SLC66A2: variants seen among roughly 807,000 people sequenced by gnomAD.
SLC66A2 encodes the protein solute carrier family 66 member 2, also known as PQ loop repeat containing 1.
In SLC66A2, 23 loss-of-function variants were observed where a neutral mutation model predicts 25.5. The ratio of observed to expected loss-of-function variants is 0.90; its 90% CI spans 0.65 to 1.28. The LOEUF (loss-of-function observed/expected upper bound fraction) is 1.28. Among genes scored for constraint, SLC66A2 ranks in the 50% most tolerant of loss-of-function variants. The pLI, the probability that SLC66A2 is intolerant of heterozygous loss-of-function variation, is 0.00. For synonymous variants in SLC66A2, 193 were observed against 166.5 expected (o/e 1.16, Z -1.23); for missense variants, 396 against 373.1 (o/e 1.06, Z -0.51).
chr18:79,908,879 G>A (rs567679879), intron 5 of SLC66A2, among the ~76,000 whole-genome samples: 4 of 152,152 alleles, frequency 2.6e-5, no homozygotes, highest in Admixed American at 6.5e-5. Context: ...GGAGATGTTC[G>A]GTCTTCCCGT....
intron 5 of SLC66A2, among the ~76,000 whole-genome samples, chr18:79,908,951 T>C (rs183248067): frequency 1.2e-3 from 182 of 152,390 alleles, no homozygotes; most frequent in African/African-American, 4.3e-3. Flanking sequence ...CTTCAAAATC[T>C]TGGATAAGTC....
chr18:79,934,882 A>ACCTCTGC (rs1432209851), intron 3 of SLC66A2, among the ~76,000 whole-genome samples: 4 of 152,138 alleles, frequency 2.6e-5, no homozygotes, highest in African/African-American at 9.7e-5. Context: ...GTGACCTCTG[A>ACCTCTGC]CCTCTGCCCT....
In SLC66A2 at chr18:79,904,216, G is replaced by T; in HGVS notation, c.609-33C>A. The T allele has an allele frequency of 1.3e-6, 2 of 1,596,202 alleles. No homozygotes were observed. Among genetic ancestry groups the T allele is most frequent in the Non-Finnish European group, 1.7e-6 (2 of 1,165,632 alleles). On this transcript the variant is annotated intron_variant, in intron 5 of 5. Coordinates refer to ENST00000397778, the MANE Select transcript of SLC66A2 (RefSeq NM_025078.5). This position sits in a 1 kb window ranked among gnomAD's most constrained non-coding sequence, Gnocchi z 6.3. ...GACACAAGCAGGCGGTCAGCGGTGGGGAGGGCGGCGACCTGGGCTCAGTCA... is the reference window on the plus strand; with the variant it reads ...GACACAAGCAGGCGGTCAGCGGTGGTGAGGGCGGCGACCTGGGCTCAGTCA...
chr18:79,907,631 G>C (rs1421366386), intron 5 of SLC66A2, among the ~76,000 whole-genome samples: 1 of 152,088 alleles, frequency 6.6e-6, no homozygotes, highest in South Asian at 2.1e-4. Flanking sequence ...GATTACAGGC[G>C]TGAGCCACCG....
intron 5 of SLC66A2, 36 bp downstream of exon 5, chr18:79,919,148 A>T: frequency 6.4e-7 from 1 of 1,571,578 alleles, no homozygotes; most frequent in Non-Finnish European, 8.7e-7. Context: ...GTGCCTCTGG[A>T]GCAGTGGTGC....
At chr18:79,908,358 GTTCTT>G (rs1214006865) in intron 5 of SLC66A2, among the ~76,000 whole-genome samples, 1 of 151,216 alleles carries the variant, frequency 6.6e-6, no homozygotes, top group Non-Finnish European at 1.5e-5. Context: ...TGGGTCAAAC[GTTCTT>G]TTCTTGCAGC....
chr18:79,916,188 A>C (rs1984084837), intron 5 of SLC66A2, among the ~76,000 whole-genome samples: 4 of 48,372 alleles, frequency 8.3e-5, no homozygotes, highest in Non-Finnish European at 1.4e-4. Flanking sequence ...ACCCTCCCAT[A>C]CCCACGGTGC....
chr18:79,907,383 GCT>G (rs1382378759), intron 5 of SLC66A2, among the ~76,000 whole-genome samples: 18 of 112,494 alleles, frequency 1.6e-4, no homozygotes, highest in Middle Eastern at 7.8e-3. Flanking sequence ...AAGGAGTCTC[GCT>G]CTGTCACCCA....
At chr18:79,945,904 G>A (rs908718929) in intron 2 of SLC66A2, among the ~76,000 whole-genome samples, 4 of 152,244 alleles carry the variant, frequency 2.6e-5, no homozygotes, top group Non-Finnish European at 5.9e-5. Flanking sequence ...ACCTGAGGCT[G>A]AGGAGGTGAC....
chr18:79,943,479 G>GT lies in SLC66A2; in HGVS notation c.204-18dup, dbSNP rs761088339. Reference sequence around the variant, plus strand: ...CTTCCAAACCTGCGGGAGAGACACTGTGTCAGGAGGGAGGTCCACCCATGC... The same window carrying GT: ...CTTCCAAACCTGCGGGAGAGACACTGTTGTCAGGAGGGAGGTCCACCCATGC... On this transcript the variant is annotated splice_polypyrimidine_tract_variant and intron_variant, in intron 2 of 5. Transcript: ENST00000397778. 26 of 1,610,498 alleles carry GT rather than the reference G, an allele frequency of 1.6e-5. No homozygotes were observed. The highest frequency in any genetic ancestry group is 2.1e-5 in the Non-Finnish European group (25 of 1,177,658).
chr18:79,923,887 A>T (rs1985593554), intron 4 of SLC66A2, among the ~76,000 whole-genome samples: 4 of 151,948 alleles, frequency 2.6e-5, no homozygotes, highest in Admixed American at 2.6e-4. Flanking sequence ...AAAATAAAAA[A>T]TTAGCAGGGT....
chr18:79,930,665 G>C (rs1986480353), intron 4 of SLC66A2, among the ~76,000 whole-genome samples: 1 of 152,064 alleles, frequency 6.6e-6, no homozygotes. Context: ...TAATATATTT[G>C]ACAATAATAT....
chr18:79,923,024 C>G (rs1001123065), intron 4 of SLC66A2, among the ~76,000 whole-genome samples: 2 of 151,552 alleles, frequency 1.3e-5, no homozygotes, highest in African/African-American at 4.9e-5. Context: ...CTCTCTCACT[C>G]TGAGTGAGAC....
At chr18:79,925,352 G>A (rs553918299) in intron 4 of SLC66A2, among the ~76,000 whole-genome samples, 3 of 152,230 alleles carry the variant, frequency 2.0e-5, no homozygotes, top group Non-Finnish European at 4.4e-5. Context: ...CCGTGGTCAC[G>A]CAAGGTGCCA....
intron 2 of SLC66A2, among the ~76,000 whole-genome samples, chr18:79,947,729 C>T (rs1163765449): frequency 2.0e-5 from 3 of 151,178 alleles, no homozygotes; most frequent in Non-Finnish European, 4.4e-5. Context: ...TGATGCATCC[C>T]GCGTGTCACT....
intron 5 of SLC66A2, among the ~76,000 whole-genome samples, chr18:79,907,640 C>T (rs575958131): frequency 3.3e-5 from 5 of 152,176 alleles, no homozygotes; most frequent in African/African-American, 1.2e-4. Context: ...CGTGAGCCAC[C>T]GTGTCAGGCC....
rs551151313 is a variant in SLC66A2 at position 79,937,341 on chromosome 18, C to T, written c.338-3319G>A. ...GTCGAAAGGGCCCAGCAGCATCTGACGCGGCTCCCCGGCCAGAGGGAAGAA... is the reference window on the plus strand; with the variant it reads ...GTCGAAAGGGCCCAGCAGCATCTGATGCGGCTCCCCGGCCAGAGGGAAGAA... On this transcript the variant is annotated intron_variant, in intron 3 of 5. Coordinates refer to ENST00000397778, the MANE Select transcript of SLC66A2 (RefSeq NM_025078.5). This position sits in a 1 kb window ranked among gnomAD's most constrained non-coding sequence, Gnocchi z 5.4. 7.2e-5 allele frequency among the ~76,000 whole-genome samples: 11 copies of T among 152,294 alleles called. No individual in the cohort carries two copies. The highest frequency in any genetic ancestry group is 2.2e-4 in the African/African-American group (9 of 41,560).
At chr18:79,942,004 G>T (rs1327811591) in intron 3 of SLC66A2, among the ~76,000 whole-genome samples, 1 of 152,240 alleles carries the variant, frequency 6.6e-6, no homozygotes, top group Non-Finnish European at 1.5e-5. Context: ...TAAATACTGA[G>T]GTTCAAAGGG....
intron 2 of SLC66A2, among the ~76,000 whole-genome samples, chr18:79,944,891 A>AGCAGAAGCAGGGGGAACCCCACAGCCCCC (rs1568338715): frequency 2.7e-5 from 4 of 146,176 alleles, no homozygotes; most frequent in Non-Finnish European, 6.0e-5. Flanking sequence ...CCCCTTATCG[A>AGCAGAAGCAGGGGGAACCCCACAGCCCCC]CTCAGAGCAG....
Sources: gnomAD v4.1 joint callset for allele counts (sites outside exome capture counted in the v4.1 genomes callset) on GRCh38, gnomAD v4.1.1 for gene constraint, Gnocchi (gnomAD v3.1) non-coding constraint, MANE v1.5 for transcripts, NCBI Gene and HGNC (gene_info 2026-07-23, HGNC 2026-07-21) for gene names.